The following VIT variants were observed in gnomAD, a reference collection of about 807,000 sequenced individuals.
VIT encodes the protein vitrin.
In VIT, 99 loss-of-function variants were observed where a neutral mutation model predicts 78.0. That is an observed-to-expected ratio of 1.27 (90% CI 1.08 to 1.50). VIT has a LOEUF of 1.50. Ranked by LOEUF, VIT falls within the 40% of genes most tolerant of loss-of-function variation. VIT has a pLI of 0.00. For missense variants in VIT, 1,126 were observed against 875.3 expected (o/e 1.29, Z -3.61); for synonymous variants, 374 against 334.3 (o/e 1.12, Z -1.29).
chr2:36,713,145 G>A (rs903848565), intron 1 of VIT, among the ~76,000 whole-genome samples: 7 of 152,228 alleles, frequency 4.6e-5, no homozygotes, highest in African/African-American at 1.7e-4. Context: ...CATTGGTGGT[G>A]GGTGAGGTGG....
rs570945868 is a variant in VIT, at chr2:36,753,124, C to T, written c.276-1797C>T. Among the ~76,000 whole-genome samples, 5 of 151,786 alleles carry T rather than the reference C, an allele frequency of 3.3e-5. No individual in the cohort carries two copies. The South Asian group carries it at 1.0e-3, about 32-fold the overall frequency. On this transcript the variant is annotated intron_variant, in intron 4 of 15. Coordinates refer to ENST00000379242, the MANE Select transcript of VIT (RefSeq NM_053276.4). ...CACAAGAACAGAAAATCAAATACCG[C>T]ATGTTCTCACTTATACGTGGGAGCT...
chr2:36,768,083 C>T (rs926555513), intron 7 of VIT, among the ~76,000 whole-genome samples: 1 of 152,222 alleles, frequency 6.6e-6, no homozygotes, highest in East Asian at 1.9e-4. Flanking sequence ...ACCCTTCCCC[C>T]TCTCCGCTCC....
intron 12 of VIT, among the ~76,000 whole-genome samples, chr2:36,797,655 A>G (rs1365598684): frequency 6.6e-6 from 1 of 152,192 alleles, no homozygotes; most frequent in Non-Finnish European, 1.5e-5. Context: ...GAGGTTCAAG[A>G]AAGGGGACCA....
At chr2:36,722,728 C>T (rs1358713390) in intron 2 of VIT, among the ~76,000 whole-genome samples, 1 of 152,144 alleles carries the variant, frequency 6.6e-6, no homozygotes, top group Non-Finnish European at 1.5e-5. Flanking sequence ...TAAGTACCTA[C>T]TGATTTGATT....
intron 3 of VIT, among the ~76,000 whole-genome samples, chr2:36,731,563 G>T (rs1242636816): frequency 6.6e-6 from 1 of 152,094 alleles, no homozygotes; most frequent in South Asian, 2.1e-4. Flanking sequence ...GTGAGCCACC[G>T]CAACCGGCCA....
chr2:36,746,321 A>C (rs1668132600), intron 4 of VIT, among the ~76,000 whole-genome samples: 1 of 152,172 alleles, frequency 6.6e-6, no homozygotes, highest in East Asian at 1.9e-4. Flanking sequence ...TTGGCTTCTT[A>C]AAATGAGTTA....
At chr2:36,729,520 A>C in intron 3 of VIT, 29 bp downstream of exon 3, 1 of 1,596,770 alleles carries the variant, frequency 6.3e-7, no homozygotes, top group Non-Finnish European at 8.5e-7. Flanking sequence ...CCTTGCTGGC[A>C]TAATGCTTGT....
At position 36,759,024 on chromosome 2, in the gene VIT, G is replaced by A. The variant is rs1303813768; in HGVS notation, c.465G>A (p.Ser155=). The part of the protein sequence containing the change: ...TYPSALTYSS[S]KSPAAQAGET... ...CATCAGCTCTTACATACTCATCATC[G>A]AAAAGTCCAGCTGCCCAAGCAGGCA... Residue 155 remains serine (S), a synonymous_variant, in exon 6 of 16, where the codon TCG becomes TCA. Transcript: ENST00000379242. 2.2e-5 allele frequency: 36 copies of A among 1,613,480 alleles called. No individual in the cohort carries two copies. Among genetic ancestry groups the A allele is most frequent in the African/African-American group, 2.0e-4 (15 of 74,650 alleles).
At chr2:36,762,455 T>G (rs1167726635) in intron 6 of VIT, among the ~76,000 whole-genome samples, 1 of 152,184 alleles carries the variant, frequency 6.6e-6, no homozygotes, top group Non-Finnish European at 1.5e-5. Context: ...TGCAAGACCC[T>G]GAGCTAAACT....
chr2:36,776,199 A>C (rs1490460694), intron 9 of VIT, among the ~76,000 whole-genome samples: 3 of 152,144 alleles, frequency 2.0e-5, no homozygotes, highest in African/African-American at 7.2e-5. Flanking sequence ...CCTCATTACT[A>C]ATTTGTCTAA....
At position 36,773,834 on chromosome 2, in the gene VIT, C is replaced by G. The variant is rs1252713885; in HGVS notation, c.723C>G (p.Pro241=). 13 of 1,602,260 alleles carry G rather than the reference C, an allele frequency of 8.1e-6. No individual in the cohort carries two copies. Among genetic ancestry groups the G allele is most frequent in the Non-Finnish European group, 1.0e-5 (12 of 1,173,128 alleles). The change falls in exon 8 of 16, where the codon CCC becomes CCG. Residue 241 remains proline, a synonymous_variant. Transcript: ENST00000379242. ...TATYTSSQNR[P]RADPGIQRQD... ...CCTACACAAGCAGCCAAAACAGGCC[C>G]AGAGCTGATCCAGGTAAGACCTTAA...
chr2:36,761,100 C>T (rs1669090455), intron 6 of VIT, among the ~76,000 whole-genome samples: 1 of 152,194 alleles, frequency 6.6e-6, no homozygotes, highest in Admixed American at 6.5e-5. Flanking sequence ...ACCCCCAAAA[C>T]TCTGCGAGCT....
At position 36,699,804 on chromosome 2, in the gene VIT, G is replaced by T. The variant is rs187892726; in HGVS notation, c.-19+2831G>T. Reference sequence around the variant, plus strand: ...AGAATGTCAAATGCCTTAATTTAAAGCCTTACATGCGAGGTCAAGGCAAAA... The same window carrying T: ...AGAATGTCAAATGCCTTAATTTAAATCCTTACATGCGAGGTCAAGGCAAAA... On this transcript the variant is annotated intron_variant, in intron 1 of 15. Transcript: ENST00000379242. Among the ~76,000 whole-genome samples the T allele has an allele frequency of 3.7e-4, 57 of 152,218 alleles. 1 individual carries two copies. Among genetic ancestry groups the T allele is most frequent in the Non-Finnish European group, 4.4e-5 (3 of 68,016 alleles).
At chr2:36,701,790 C>T (rs535162330) in intron 1 of VIT, among the ~76,000 whole-genome samples, 1 of 152,190 alleles carries the variant, frequency 6.6e-6, no homozygotes, top group Non-Finnish European at 1.5e-5. Flanking sequence ...CCAGACTGGC[C>T]GTGTTTATAC....
chr2:36,787,376 T>G, intron 12 of VIT, 100 bp downstream of exon 12: 1 of 1,437,578 alleles, frequency 7.0e-7, no homozygotes, highest in Non-Finnish European at 9.3e-7. Context: ...TACCAACATG[T>G]CCTTGAGCAC....
chr2:36,797,120 T>C (rs113019564), intron 12 of VIT, among the ~76,000 whole-genome samples: 197 of 151,462 alleles, frequency 1.3e-3, no homozygotes, highest in Non-Finnish European at 2.3e-3. Flanking sequence ...TTTTTGGCTC[T>C]GAAAATGTTG....
chr2:36,769,729 AT>A (rs1181810002), intron 7 of VIT, among the ~76,000 whole-genome samples: 1 of 152,184 alleles, frequency 6.6e-6, no homozygotes, highest in African/African-American at 2.4e-5. Context: ...TAAAGTACAA[AT>A]CAATGGTTTT....
At chr2:36,737,434 A>G (rs1026475694) in intron 3 of VIT, among the ~76,000 whole-genome samples, 15 of 152,226 alleles carry the variant, frequency 9.9e-5, no homozygotes, top group African/African-American at 3.4e-4. Flanking sequence ...GAAGACAACA[A>G]TCAGTGAGAT....
At chr2:36,753,259 G>A (rs1435716186) in intron 4 of VIT, among the ~76,000 whole-genome samples, 1 of 152,082 alleles carries the variant, frequency 6.6e-6, no homozygotes, top group African/African-American at 2.4e-5. Flanking sequence ...AATGGATGCT[G>A]GGCCGAATAC....
Sources: gnomAD v4.1 joint callset for allele counts (sites outside exome capture counted in the v4.1 genomes callset) on GRCh38, gnomAD v4.1.1 for gene constraint, MANE v1.5 for transcripts, NCBI Gene and HGNC (gene_info 2026-07-23, HGNC 2026-07-21) for gene names.